DMD: variants seen among roughly 807,000 people sequenced by gnomAD.
DMD encodes the protein dystrophin, also known as mutant dystrophin.
A neutral mutation model predicts 330.1 loss-of-function variants in DMD; 63 were observed. The ratio of observed to expected loss-of-function variants is 0.19; its 90% CI spans 0.16 to 0.24. The LOEUF (loss-of-function observed/expected upper bound fraction) is 0.24. Among genes scored for constraint, DMD ranks in the 10% least tolerant of loss-of-function variants. The pLI is 1.00. For missense variants in DMD, 3,344 were observed against 2,684.1 expected (o/e 1.25, Z -5.43); for synonymous variants, 1,223 against 959.8 (o/e 1.27, Z -5.07).
intron 51 of DMD, among the ~76,000 whole-genome samples, chrX:31,750,238 G>GTAATGCC (rs2088394694): frequency 9.2e-6 from 1 of 108,135 alleles, no homozygotes; most frequent in Non-Finnish European, 1.9e-5. Flanking sequence ...GTCCTGAATG[G>GTAATGCC]TAATGCCTAG....
At chrX:32,970,642 CTGATAATGATAA>C (rs1006311954) in intron 2 of DMD, among the ~76,000 whole-genome samples, 1 of 91,314 alleles carries the variant, frequency 1.1e-5, no homozygotes, top group East Asian at 3.4e-4. Flanking sequence ...TCAAATAATA[CTGATAATGATAA>C]TGATAATGAT....
rs752551008 is a variant in DMD at position 31,478,101 on chromosome X, G to A, written c.8937+5C>T. The A allele has an allele frequency of 9.1e-6, 11 of 1,207,692 alleles. No homozygotes were observed. Among genetic ancestry groups the A allele is most frequent in the African/African-American group, 7.0e-5 (4 of 57,003 alleles). ...AGGGCCCTGAAGCAAAGAAGTAGAC[G>A]GTACCTTGACTTTCTCGAGGTGATC... is the stretch of plus-strand genomic sequence containing the variant. On this transcript the variant is annotated splice_donor_5th_base_variant and intron_variant, in intron 59 of 78. Transcript: ENST00000357033.
intron 43 of DMD, among the ~76,000 whole-genome samples, chrX:32,225,352 T>C (rs752406656): frequency 7.2e-5 from 8 of 111,796 alleles, no homozygotes; most frequent in Non-Finnish European, 1.5e-4. Flanking sequence ...AATTGGCCCA[T>C]GGGCAGGAGA....
chrX:32,361,380 G>A (rs1211182220), intron 37 of DMD, among the ~76,000 whole-genome samples: 1 of 111,190 alleles, frequency 9.0e-6, no homozygotes, highest in East Asian at 2.8e-4. Context: ...TAACTACTAA[G>A]TTCTCTCATG....
intron 54 of DMD, among the ~76,000 whole-genome samples, chrX:31,631,528 C>CT (rs2079135665): frequency 9.0e-6 from 1 of 111,155 alleles, no homozygotes; most frequent in Non-Finnish European, 1.9e-5. Context: ...AGAGATCCTC[C>CT]TGGGGAAGGC....
chrX:32,836,842 C>A (rs972663941), intron 4 of DMD, among the ~76,000 whole-genome samples: 1 of 112,237 alleles, frequency 8.9e-6, no homozygotes, highest in African/African-American at 3.2e-5. Context: ...ATTTTCACTG[C>A]ATTCAAATAT....
chrX:32,781,410 T>C (rs954399017), intron 7 of DMD, among the ~76,000 whole-genome samples: 2 of 112,079 alleles, frequency 1.8e-5, no homozygotes, highest in African/African-American at 6.5e-5. Flanking sequence ...TCTGTTAATA[T>C]TGTACTAAAC....
At chrX:32,499,045 A>T (rs2043783522) in intron 19 of DMD, among the ~76,000 whole-genome samples, 1 of 112,200 alleles carries the variant, frequency 8.9e-6, no homozygotes, top group Admixed American at 9.5e-5. Flanking sequence ...ACGGACAGAA[A>T]TCATTTGGAA....
chrX:33,188,304 A>G (rs1005902765), intron 1 of DMD, among the ~76,000 whole-genome samples: 3 of 109,973 alleles, frequency 2.7e-5, no homozygotes, highest in Non-Finnish European at 5.7e-5. Flanking sequence ...AAAAATCATC[A>G]GTCTTCTCAA....
At chrX:32,296,646 C>T (rs1406028856) in intron 42 of DMD, among the ~76,000 whole-genome samples, 1 of 111,538 alleles carries the variant, frequency 9.0e-6, no homozygotes, top group East Asian at 2.8e-4. Context: ...GCTAATTTGT[C>T]TTCTGTTTAA....
intron 48 of DMD, among the ~76,000 whole-genome samples, chrX:31,861,077 T>C (rs758925957): frequency 2.7e-5 from 3 of 111,932 alleles, no homozygotes; most frequent in Non-Finnish European, 5.6e-5. Context: ...CTTCAAGTTG[T>C]AAACTATATT....
At chrX:31,428,994 T>C (rs375105334) in intron 60 of DMD, among the ~76,000 whole-genome samples, 1,401 of 109,932 alleles carry the variant, frequency 0.013, 12 homozygotes, top group Middle Eastern at 0.023. Context: ...TGGTGGTGGA[T>C]GCCTGTAGTC....
intron 67 of DMD, among the ~76,000 whole-genome samples, chrX:31,190,535 A>T (rs2042210618): frequency 1.1e-5 from 1 of 94,373 alleles, no homozygotes; most frequent in Admixed American, 1.3e-4. Flanking sequence ...ACTGACAAAA[A>T]GTGATTTCAT....
intron 5 of DMD, among the ~76,000 whole-genome samples, chrX:32,820,753 A>G (rs2148831420): frequency 8.9e-6 from 1 of 112,047 alleles, no homozygotes; most frequent in Non-Finnish European, 1.9e-5. Context: ...CTATGCCATA[A>G]GATAAAGTCA....
chrX:32,891,018 GTCT>G (rs1467453623), intron 2 of DMD, among the ~76,000 whole-genome samples: 17 of 111,927 alleles, frequency 1.5e-4, no homozygotes, highest in African/African-American at 4.9e-4. Flanking sequence ...GTCTCATTAA[GTCT>G]TTTTTGATTA....
intron 2 of DMD, among the ~76,000 whole-genome samples, chrX:32,878,547 A>G (rs1286518652): frequency 9.0e-6 from 1 of 111,518 alleles, no homozygotes; most frequent in African/African-American, 3.3e-5. Context: ...TTGTAGCTAT[A>G]CTACAAAACT....
intron 44 of DMD, among the ~76,000 whole-genome samples, chrX:32,214,611 A>C (rs990095470): frequency 3.6e-5 from 4 of 111,635 alleles, no homozygotes; most frequent in African/African-American, 1.3e-4. Context: ...TATCATTCAC[A>C]GGACATCAGA....
intron 42 of DMD, among the ~76,000 whole-genome samples, chrX:32,307,653 G>A (rs1361383550): frequency 9.0e-6 from 1 of 111,424 alleles, no homozygotes; most frequent in Non-Finnish European, 1.9e-5. Flanking sequence ...GATCATTTCT[G>A]CTTTTAGGAT....
At chrX:33,214,783 A>C (rs978566843), upstream of DMD, among the ~76,000 whole-genome samples, 2 of 111,515 alleles carry the variant, frequency 1.8e-5, no homozygotes, top group African/African-American at 6.5e-5. Flanking sequence ...TCTTCTGAGT[A>C]GCTGGGTCTA....
Sources: gnomAD v4.1 joint callset for allele counts (sites outside exome capture counted in the v4.1 genomes callset) on GRCh38, gnomAD v4.1.1 for gene constraint, MANE v1.5 for transcripts, NCBI Gene and HGNC (gene_info 2026-07-23, HGNC 2026-07-21) for gene names.